The following TRIM36 variants were observed in gnomAD, a reference collection of about 807,000 sequenced individuals.
TRIM36 encodes tripartite motif containing 36, also known as E3 ubiquitin-protein ligase TRIM36.
Under a neutral mutation model 72.4 loss-of-function variants are expected in TRIM36, and 42 were observed. That is an observed-to-expected ratio of 0.58 (90% CI 0.45 to 0.75). The LOEUF is 0.75. Among genes scored for constraint, TRIM36 ranks in the 30% least tolerant of loss-of-function variants. The pLI is 0.00. For missense variants in TRIM36, 913 were observed against 857.1 expected, an observed-to-expected ratio of 1.07 and a Z score of -0.81; for synonymous variants, 315 against 282.8, an observed-to-expected ratio of 1.11 and a Z score of -1.14.
intron 1 of TRIM36, among the ~76,000 whole-genome samples, chr5:115,175,955 T>A (rs982361553): frequency 2.0e-5 from 3 of 152,064 alleles, no homozygotes; most frequent in Non-Finnish European, 4.4e-5. Flanking sequence ...CGAAACCCTG[T>A]CTCTACTAAT....
At chr5:115,152,519 G>C (rs138091058) in intron 2 of TRIM36, among the ~76,000 whole-genome samples, 1 of 152,262 alleles carries the variant, frequency 6.6e-6, no homozygotes, top group African/African-American at 2.4e-5. Context: ...AAAGCACAAA[G>C]AACACCTGGG....
At chr5:115,127,357 T>C (rs1752411325) in intron 9 of TRIM36, among the ~76,000 whole-genome samples, 1 of 152,194 alleles carries the variant, frequency 6.6e-6, no homozygotes, top group East Asian at 1.9e-4. Context: ...GGCCAGGAGT[T>C]CCAGACCAAC....
chr5:115,169,688 G>C lies in TRIM36; in HGVS notation c.-54C>G, dbSNP rs1419768065. The C allele has an allele frequency of 2.6e-6, 4 of 1,510,132 alleles. No individual in the cohort carries two copies. Among genetic ancestry groups the C allele is most frequent in the South Asian group, 1.2e-5 (1 of 80,512 alleles). 93.5% of individuals were successfully genotyped at this position (1,510,132 alleles called of 1,614,324 possible). A position where few individuals can be genotyped will look rare whatever the true frequency, so the allele number is the denominator to read the frequency against. On this transcript the variant is annotated 5_prime_UTR_variant, in exon 1 of 10. Transcript: ENST00000513154. ...GCACGTTCCACTCACACCGGCTACCGAGCGCAGGGTCTGGTGGGCGGGTCC... is the reference window on the plus strand; with the variant it reads ...GCACGTTCCACTCACACCGGCTACCCAGCGCAGGGTCTGGTGGGCGGGTCC...
chr5:115,146,994 C>T (rs370338752), intron 3 of TRIM36, 75 bp downstream of exon 3: 146 of 1,300,794 alleles, frequency 1.1e-4, no homozygotes, highest in African/African-American at 7.2e-4. Context: ...TAATTTATTT[C>T]GTAACATTAA....
chr5:115,130,140 T>A (rs187262158), intron 9 of TRIM36, among the ~76,000 whole-genome samples: 1 of 152,338 alleles, frequency 6.6e-6, no homozygotes, highest in Non-Finnish European at 1.5e-5. Flanking sequence ...AGTCAATCTC[T>A]TAAGAAACTG....
At chr5:115,162,658 T>C (rs1477451756) in intron 2 of TRIM36, among the ~76,000 whole-genome samples, 1 of 152,190 alleles carries the variant, frequency 6.6e-6, no homozygotes, top group African/African-American at 2.4e-5. Flanking sequence ...AAGTTTTCTT[T>C]GGTCAATCAA....
At chr5:115,130,310 A>C (rs1233706865) in intron 9 of TRIM36, among the ~76,000 whole-genome samples, 1 of 152,246 alleles carries the variant, frequency 6.6e-6, no homozygotes, top group Non-Finnish European at 1.5e-5. Context: ...TTTATGACAT[A>C]GGTAACATGT....
intron 2 of TRIM36, among the ~76,000 whole-genome samples, chr5:115,157,453 A>G (rs893832765): frequency 1.3e-5 from 2 of 152,110 alleles, no homozygotes; most frequent in African/African-American, 4.8e-5. Context: ...AATCCCAGCT[A>G]CTTAGGGGGC....
chr5:115,152,612 T>C (rs1212296311), intron 2 of TRIM36, among the ~76,000 whole-genome samples: 1 of 152,178 alleles, frequency 6.6e-6, no homozygotes, highest in East Asian at 1.9e-4. Context: ...TTAAGAGCTG[T>C]GACACAAAAG....
rs982974411 is a variant in TRIM36, at chr5:115,130,878, G to C, written c.1510C>G (p.Leu504Val). The change falls in exon 9 of 10, where the codon CTC becomes GTC. Residue 504 changes from leucine (L) to valine (V), a missense_variant. Coordinates refer to ENST00000513154, the MANE Select transcript of TRIM36 (RefSeq NM_001300759.2). ...HTPPAPVFSFLFDEKCGYNNE... is the reference protein window; with the variant it reads ...HTPPAPVFSFVFDEKCGYNNE... ...TTATAGCCACATTTTTCATCAAAGA[G>C]GAAGCTGAAAACTAAATGGAGCTTA... is the stretch of plus-strand genomic sequence containing the variant. The C allele has an allele frequency of 1.2e-6, 2 of 1,605,496 alleles. No individual in the cohort carries two copies. Among genetic ancestry groups the C allele is most frequent in the Non-Finnish European group, 1.7e-6 (2 of 1,174,392 alleles).
At chr5:115,146,754 A>G (rs1753614989) in intron 3 of TRIM36, among the ~76,000 whole-genome samples, 1 of 152,218 alleles carries the variant, frequency 6.6e-6, no homozygotes, top group Admixed American at 6.5e-5. Context: ...AACTTTAACC[A>G]TTTCAATCTT....
Position 115,137,603 on chromosome 5 carries a change from C to A in TRIM36, c.845G>T (p.Arg282Met). 2 of 1,606,614 alleles carry A rather than the reference C, an allele frequency of 1.2e-6. No individual in the cohort carries two copies. Among genetic ancestry groups the A allele is most frequent in the Non-Finnish European group, 1.7e-6 (2 of 1,177,234 alleles). Residue 282 changes from arginine to methionine, a missense_variant, in exon 6 of 10, where the codon AGG becomes ATG. Arg to Met is a moderately conservative substitution (Grantham distance 91, BLOSUM62 -1). Transcript: ENST00000513154. ...LMKETECNGERAKEEAITHFE... is the reference protein window; with the variant it reads ...LMKETECNGEMAKEEAITHFE... Reference sequence around the variant, plus strand: ...ATGTGTAATTGCTTCTTCTTTAGCCCTCTCTCCATTACACTAAGAAAAAAC... The same window carrying A: ...ATGTGTAATTGCTTCTTCTTTAGCCATCTCTCCATTACACTAAGAAAAAAC...
intron 2 of TRIM36, among the ~76,000 whole-genome samples, chr5:115,156,778 A>G (rs1249247081): frequency 6.6e-6 from 1 of 152,246 alleles, no homozygotes; most frequent in Non-Finnish European, 1.5e-5. Context: ...ATGACCAAGA[A>G]GCCAAAAGCA....
intron 2 of TRIM36, among the ~76,000 whole-genome samples, chr5:115,155,044 C>G (rs2112876655): frequency 6.6e-6 from 1 of 152,074 alleles, no homozygotes; most frequent in African/African-American, 2.4e-5. Context: ...AAAAAATTAG[C>G]CGGGCATGGT....
chr5:115,137,707 T>C (rs1302936070), intron 5 of TRIM36, 91 bp from the exon 6 acceptor site: 2 of 1,352,564 alleles, frequency 1.5e-6, no homozygotes, highest in East Asian at 2.4e-5. Flanking sequence ...AAGTTCTACA[T>C]AATTACATTT....
rs375219920 is a variant in TRIM36 at position 115,136,536 on chromosome 5, G to A, written c.1210+464C>T. 1.3e-3 allele frequency among the ~76,000 whole-genome samples: 192 copies of A among 152,088 alleles called. 2 individuals are homozygous for A. Among genetic ancestry groups the A allele is most frequent in the African/African-American group, 4.3e-3 (180 of 41,468 alleles). On this transcript the variant is annotated intron_variant, in intron 7 of 9. Coordinates refer to ENST00000513154, the MANE Select transcript of TRIM36 (RefSeq NM_001300759.2). ...AACAGCCTGCAGATTCCATTCCTAG[G>A]CTTCTGTCCAAGAAACTCACATACA...
intron 2 of TRIM36, among the ~76,000 whole-genome samples, chr5:115,158,735 C>G (rs1408086694): frequency 1.3e-5 from 2 of 152,234 alleles, no homozygotes; most frequent in Non-Finnish European, 2.9e-5. Flanking sequence ...TTTCTCTCAA[C>G]TACCCTCTGA....
At chr5:115,129,912 T>C (rs888750352) in intron 9 of TRIM36, among the ~76,000 whole-genome samples, 3 of 152,228 alleles carry the variant, frequency 2.0e-5, no homozygotes, top group Non-Finnish European at 4.4e-5. Context: ...TATGAACTTT[T>C]TAAACATTAA....
chr5:115,133,985 C>G lies in TRIM36; in HGVS notation c.1373G>C (p.Gly458Ala), dbSNP rs149300775. The change falls in exon 8 of 10, where the codon GGA becomes GCA. Residue 458 changes from glycine (G) to alanine (A), a missense_variant. Physicochemically the swap from Gly to Ala is moderately conservative, Grantham distance 60 (BLOSUM62 0). Coordinates refer to ENST00000513154, the MANE Select transcript of TRIM36 (RefSeq NM_001300759.2). ...CAAGTCTTGAATTATTTTACTTGTTCCACACACTTCTATCTCATTCCATGA... is the reference window on the plus strand; with the variant it reads ...CAAGTCTTGAATTATTTTACTTGTTGCACACACTTCTATCTCATTCCATGA... The part of the protein sequence containing the change: ...EMSWNEIEVC[G>A]TSKIIQDLEN... 1 of 1,613,868 alleles carries G rather than the reference C, an allele frequency of 6.2e-7. No individual in the cohort carries two copies. The highest frequency in any genetic ancestry group is 1.7e-4 in the Middle Eastern group (1 of 6,056).
Sources: allele counts gnomAD v4.1 joint callset (sites outside exome capture counted in the v4.1 genomes callset), GRCh38; gene constraint gnomAD v4.1.1; transcripts MANE v1.5; gene names NCBI Gene and HGNC (gene_info 2026-07-23, HGNC 2026-07-21).